Variants in DGKI observed in about 807,000 individuals in gnomAD.
The protein encoded by DGKI is diacylglycerol kinase iota.
Under a neutral mutation model 147.5 loss-of-function variants are expected in DGKI, and 55 were observed. The ratio of observed to expected loss-of-function variants is 0.37; its 90% CI spans 0.30 to 0.47. The LOEUF (loss-of-function observed/expected upper bound fraction) is 0.47. Among genes scored for constraint, DGKI ranks in the 20% least tolerant of loss-of-function variants. The pLI is 1.00. For synonymous variants in DGKI, 469 were observed against 477.1 expected, an observed-to-expected ratio of 0.98 and a Z score of 0.22; for missense variants, 1,007 against 1,323.8, an observed-to-expected ratio of 0.76 and a Z score of 3.71.
At chr7:137,409,450 T>C (rs114107607) in intron 29 of DGKI, among the ~76,000 whole-genome samples, 2,910 of 152,000 alleles carry the variant, frequency 0.019, 88 homozygotes, top group African/African-American at 0.065. Flanking sequence ...AGAGAAGCAC[T>C]AGGGAAGCAT....
intron 21 of DGKI, among the ~76,000 whole-genome samples, chr7:137,515,435 G>A (rs756946428): frequency 7.2e-5 from 11 of 152,112 alleles, no homozygotes; most frequent in Non-Finnish European, 1.5e-4. Flanking sequence ...TTTATGAATG[G>A]CTGATTTGAG....
chr7:137,652,752 A>C (rs1055347695), intron 5 of DGKI, among the ~76,000 whole-genome samples: 1 of 152,154 alleles, frequency 6.6e-6, no homozygotes, highest in African/African-American at 2.4e-5. Flanking sequence ...TGTTCTCCCA[A>C]TCCTTTTGCA....
chr7:137,422,595 C>CTTTTTT (rs60494368), intron 28 of DGKI, among the ~76,000 whole-genome samples: 2,587 of 62,084 alleles, frequency 0.042, 170 homozygotes, highest in Non-Finnish European at 0.056. Flanking sequence ...TTTTTCTTTT[C>CTTTTTT]TTTTTTTTTT....
chr7:137,806,004 G>A (rs1797352937), intron 1 of DGKI, among the ~76,000 whole-genome samples: 1 of 152,210 alleles, frequency 6.6e-6, no homozygotes, highest in South Asian at 2.1e-4. Context: ...ATAAGAGCAA[G>A]GGGACAGGGT....
rs140622310 is a variant in DGKI, at chr7:137,677,614, G to A, written c.606+943C>T. ...CTATACATATCCTTCTATAAGCTTT[G>A]ATGGAAACTCGATTTATTCCATATT... On this transcript the variant is annotated intron_variant, in intron 3 of 32. Transcript: ENST00000614521. Among the ~76,000 whole-genome samples, 43 of 152,280 alleles carry A rather than the reference G, an allele frequency of 2.8e-4. No individual in the cohort carries two copies. In the East Asian group the frequency reaches 8.1e-3, roughly 29 times the overall value.
intron 27 of DGKI, among the ~76,000 whole-genome samples, chr7:137,462,050 G>C (rs561479589): frequency 6.6e-6 from 1 of 151,854 alleles, no homozygotes; most frequent in Non-Finnish European, 1.5e-5. Flanking sequence ...AGAAAAATCA[G>C]GACCTAGAAA....
intron 21 of DGKI, among the ~76,000 whole-genome samples, chr7:137,506,982 G>A (rs1003278880): frequency 6.6e-6 from 1 of 152,110 alleles, no homozygotes; most frequent in African/African-American, 2.4e-5. Flanking sequence ...TTACTTGATG[G>A]CTGATAAGAA....
intron 21 of DGKI, among the ~76,000 whole-genome samples, chr7:137,517,321 AAG>A (rs1352200805): frequency 2.5e-3 from 328 of 130,102 alleles, no homozygotes; most frequent in African/African-American, 6.8e-3. Context: ...GAAAGAAAGA[AAG>A]AAAGAAAGAA....
At chr7:137,730,633 A>T (rs1356409510) in intron 1 of DGKI, among the ~76,000 whole-genome samples, 1 of 152,134 alleles carries the variant, frequency 6.6e-6, no homozygotes, top group Non-Finnish European at 1.5e-5. Context: ...CATACAATAA[A>T]TGACACATAT....
At chr7:137,451,227 G>A (rs573754279) in intron 27 of DGKI, among the ~76,000 whole-genome samples, 17 of 152,294 alleles carry the variant, frequency 1.1e-4, no homozygotes, top group Non-Finnish European at 2.1e-4. Context: ...CCTCTGGAAC[G>A]GAGTGTTGTC....
At chr7:137,547,958 T>C (rs1295755401) in intron 20 of DGKI, among the ~76,000 whole-genome samples, 1 of 151,942 alleles carries the variant, frequency 6.6e-6, no homozygotes, top group Non-Finnish European at 1.5e-5. Flanking sequence ...CAGGATGATG[T>C]AGGAGACAGG....
At chr7:137,497,769 G>A (rs1816022399) in intron 21 of DGKI, among the ~76,000 whole-genome samples, 1 of 152,024 alleles carries the variant, frequency 6.6e-6, no homozygotes, top group Non-Finnish European at 1.5e-5. Context: ...GTGTACCCAT[G>A]GACACAAAGA....
chr7:137,824,531 A>G (rs867886546), intron 1 of DGKI, among the ~76,000 whole-genome samples: 3,755 of 60,064 alleles, frequency 0.063, 220 homozygotes, highest in African/African-American at 0.2. Flanking sequence ...AAAAAAAAAG[A>G]AAAAGAAAAG....
At chr7:137,662,523 G>A (rs1283640034) in intron 3 of DGKI, among the ~76,000 whole-genome samples, 1 of 96,748 alleles carries the variant, frequency 1.0e-5, no homozygotes, top group East Asian at 2.9e-4. Flanking sequence ...GATTACAGGC[G>A]TGAGCCACCG....
intron 1 of DGKI, among the ~76,000 whole-genome samples, chr7:137,696,498 C>T (rs981092602): frequency 3.3e-5 from 4 of 121,204 alleles, no homozygotes; most frequent in Non-Finnish European, 6.3e-5. Flanking sequence ...CAGCTGAATG[C>T]CCCTGAGAAC....
At chr7:137,763,349 C>T (rs1795916901) in intron 1 of DGKI, among the ~76,000 whole-genome samples, 2 of 152,296 alleles carry the variant, frequency 1.3e-5, no homozygotes, top group South Asian at 2.1e-4. Context: ...TCAAATGTCT[C>T]GCAGGATCCT....
intron 28 of DGKI, among the ~76,000 whole-genome samples, chr7:137,420,968 G>A (rs1281898233): frequency 3.9e-5 from 6 of 152,152 alleles, no homozygotes; most frequent in African/African-American, 2.4e-5. Context: ...GCAGTGAGCC[G>A]AGATCACGCC....
At chr7:137,675,466 CCT>C in intron 3 of DGKI, among the ~76,000 whole-genome samples, 1 of 142,906 alleles carries the variant, frequency 7.0e-6, no homozygotes, top group South Asian at 2.1e-4. Flanking sequence ...GGGTGGATCC[CCT>C]GAGGTCAGGA....
At chr7:137,811,594 G>A (rs375605082) in intron 1 of DGKI, among the ~76,000 whole-genome samples, 20 of 152,266 alleles carry the variant, frequency 1.3e-4, no homozygotes, top group South Asian at 4.2e-4. Context: ...ACACTAAAAC[G>A]TAGTATAAGG....
Sources: allele counts gnomAD v4.1 joint callset (sites outside exome capture counted in the v4.1 genomes callset), GRCh38; gene constraint gnomAD v4.1.1; transcripts MANE v1.5; gene names NCBI Gene and HGNC (gene_info 2026-07-23, HGNC 2026-07-21).